Variants in RYK observed in about 807,000 individuals in gnomAD.
RYK encodes the protein receptor like tyrosine kinase.
Under a neutral mutation model 70.2 loss-of-function variants are expected in RYK, and 21 were observed. That is an observed-to-expected ratio of 0.30 (90% CI 0.21 to 0.43). The LOEUF is 0.43. Ranked by LOEUF, RYK falls within the 20% of genes least tolerant of loss-of-function variation. The pLI, the probability that RYK is intolerant of heterozygous loss-of-function variation, is 1.00. For synonymous variants in RYK, 267 were observed against 278.0 expected (o/e 0.96, Z 0.39); for missense variants, 604 against 753.3 (o/e 0.80, Z 2.32).
intron 13 of RYK, among the ~76,000 whole-genome samples, chr3:134,172,672 G>A (rs895652904): frequency 3.3e-5 from 5 of 152,160 alleles, no homozygotes; most frequent in Admixed American, 1.3e-4. Flanking sequence ...TTCTCATTAC[G>A]TAGAGATTTA....
chr3:134,174,425 TAC>T (rs1484475641), intron 13 of RYK, among the ~76,000 whole-genome samples: 2 of 152,206 alleles, frequency 1.3e-5, no homozygotes, highest in African/African-American at 4.8e-5. Context: ...CCTTAAAACA[TAC>T]ACACTTTGAA....
chr3:134,243,332 C>T (rs1230658135), intron 1 of RYK, among the ~76,000 whole-genome samples: 1 of 152,154 alleles, frequency 6.6e-6, no homozygotes, highest in African/African-American at 2.4e-5. Context: ...CTTCAACTGC[C>T]TTAGTTGATC....
At chr3:134,228,091 C>T (rs959120284) in intron 1 of RYK, among the ~76,000 whole-genome samples, 2 of 152,166 alleles carry the variant, frequency 1.3e-5, no homozygotes, top group African/African-American at 4.8e-5. Flanking sequence ...AAGTATGAGA[C>T]CAGTCTGGGC....
chr3:134,211,923 A>C (rs2014410466), intron 2 of RYK, among the ~76,000 whole-genome samples: 1 of 152,242 alleles, frequency 6.6e-6, no homozygotes, highest in Admixed American at 6.5e-5. Context: ...GCCAGATATG[A>C]AGAACCAAAG....
At chr3:134,198,580 T>C (rs1014537098) in intron 6 of RYK, among the ~76,000 whole-genome samples, 1 of 152,226 alleles carries the variant, frequency 6.6e-6, no homozygotes, top group Non-Finnish European at 1.5e-5. Flanking sequence ...TGCCAGTACC[T>C]GGCACAATAA....
intron 10 of RYK, 74 bp downstream of exon 10, chr3:134,182,928 T>C (rs1258112550): frequency 2.3e-6 from 2 of 864,750 alleles, no homozygotes; most frequent in Non-Finnish European, 3.5e-6. Context: ...GTCATCACAA[T>C]GTTCTGCACA....
chr3:134,184,977 A>G (rs912357754), intron 9 of RYK, among the ~76,000 whole-genome samples: 1 of 150,646 alleles, frequency 6.6e-6, no homozygotes, highest in African/African-American at 2.4e-5. Flanking sequence ...AAAAAAAAAA[A>G]AAAAAAAATT....
chr3:134,193,533 A>G (rs1355519256), intron 7 of RYK, among the ~76,000 whole-genome samples: 1 of 152,078 alleles, frequency 6.6e-6, no homozygotes, highest in African/African-American at 2.4e-5. Flanking sequence ...ACAATTCCCT[A>G]CCTCTTTGAG....
At chr3:134,235,220 C>T (rs1488908766) in intron 1 of RYK, among the ~76,000 whole-genome samples, 1 of 151,912 alleles carries the variant, frequency 6.6e-6, no homozygotes, top group Non-Finnish European at 1.5e-5. Context: ...CAAATGGTTT[C>T]AACTACATAA....
At chr3:134,221,500 G>A (rs1576528326) in intron 2 of RYK, among the ~76,000 whole-genome samples, 1 of 151,900 alleles carries the variant, frequency 6.6e-6, no homozygotes, top group Non-Finnish European at 1.5e-5. Flanking sequence ...ACCACGCCAG[G>A]CCTAGTCTTA....
chr3:134,188,082 A>C (rs1042364035), intron 9 of RYK, among the ~76,000 whole-genome samples: 2 of 151,774 alleles, frequency 1.3e-5, no homozygotes, highest in Non-Finnish European at 2.9e-5. Context: ...CAAAAGAAGA[A>C]TATGTGAAAA....
intron 1 of RYK, among the ~76,000 whole-genome samples, chr3:134,241,277 G>T (rs898304807): frequency 3.3e-5 from 5 of 151,574 alleles, no homozygotes; most frequent in Admixed American, 1.3e-4. Context: ...TTGAAGCTGG[G>T]AGACAGAGAC....
intron 9 of RYK, chr3:134,183,537 T>G (rs1173371936): frequency 1.3e-5 from 2 of 152,202 alleles, no homozygotes; most frequent in African/African-American, 4.8e-5. Context: ...ATTTCCCCTG[T>G]CAAATTGAGA....
chr3:134,215,296 G>A (rs57079573), intron 2 of RYK, among the ~76,000 whole-genome samples: 1 of 152,342 alleles, frequency 6.6e-6, no homozygotes, highest in African/African-American at 2.4e-5. Flanking sequence ...GAGAAGGGAA[G>A]GAAATGAGGC....
At chr3:134,231,079 T>A (rs2015046022) in intron 1 of RYK, among the ~76,000 whole-genome samples, 1 of 151,512 alleles carries the variant, frequency 6.6e-6, no homozygotes, top group South Asian at 2.1e-4. Context: ...CAAAAAATAA[T>A]ATGTAAGTAA....
chr3:134,173,854 AAATTAG>A (rs1157838052), intron 13 of RYK, among the ~76,000 whole-genome samples: 1 of 152,230 alleles, frequency 6.6e-6, no homozygotes, highest in Non-Finnish European at 1.5e-5. Flanking sequence ...TAAGGATTTT[AAATTAG>A]AATATCAGTT....
chr3:134,242,148 T>C (rs977912657), intron 1 of RYK, among the ~76,000 whole-genome samples: 2 of 151,876 alleles, frequency 1.3e-5, no homozygotes, highest in Non-Finnish European at 2.9e-5. Context: ...CTACCAAAAA[T>C]ACAAAAATTA....
At chr3:134,225,251 G>A (rs111840873) in intron 1 of RYK, among the ~76,000 whole-genome samples, 1 of 152,120 alleles carries the variant, frequency 6.6e-6, no homozygotes, top group Non-Finnish European at 1.5e-5. Context: ...TTACGTCTGG[G>A]TCTTAGTCTA....
chr3:134,250,745 G>C lies in RYK; in HGVS notation c.-91C>G, dbSNP rs1459964535. On this transcript the variant is annotated 5_prime_UTR_variant, in exon 1 of 15. Coordinates refer to ENST00000623711, the MANE Select transcript of RYK (RefSeq NM_002958.4). ...CCGAGCCGCTCACAGCCCCGAGCCGGGGGCGGCTGCCCAGCTCATCGCACC... is the reference window on the plus strand; with the variant it reads ...CCGAGCCGCTCACAGCCCCGAGCCGCGGGCGGCTGCCCAGCTCATCGCACC... 1.6e-6 allele frequency: 1 copy of C among 614,824 alleles called. No homozygotes were observed. The highest frequency in any genetic ancestry group is 2.0e-5 in the African/African-American group (1 of 49,588). 38.1% of individuals were successfully genotyped at this position (614,824 alleles called of 1,614,324 possible).
Sources: gnomAD v4.1 joint callset for allele counts (sites outside exome capture counted in the v4.1 genomes callset) on GRCh38, gnomAD v4.1.1 for gene constraint, MANE v1.5 for transcripts, NCBI Gene and HGNC (gene_info 2026-07-23, HGNC 2026-07-21) for gene names.